WDR7: variants seen among roughly 807,000 people sequenced by gnomAD.
WDR7 encodes WD repeat domain 7.
In WDR7, 46 loss-of-function variants were observed where a neutral mutation model predicts 169.4. That is an observed-to-expected ratio of 0.27 (90% CI 0.21 to 0.35). The LOEUF (loss-of-function observed/expected upper bound fraction) is 0.35, where lower values mean the gene tolerates loss of function less well. Among genes scored for constraint, WDR7 ranks in the 10% least tolerant of loss-of-function variants. The pLI, the probability that WDR7 is intolerant of heterozygous loss-of-function variation, is 1.00. For missense variants in WDR7, 1,534 were observed against 1,859.3 expected (o/e 0.83, Z 3.22); for synonymous variants, 612 against 666.8 (o/e 0.92, Z 1.27).
chr18:56,692,106 T>G (rs2025583548), intron 9 of WDR7, among the ~76,000 whole-genome samples: 1 of 152,236 alleles, frequency 6.6e-6, no homozygotes, highest in Non-Finnish European at 1.5e-5. Flanking sequence ...TGGTGTAAAT[T>G]ATTTTACATA....
chr18:56,696,194 T>A, intron 11 of WDR7, 48 bp from the exon 12 acceptor site: 1 of 1,487,716 alleles, frequency 6.7e-7, no homozygotes, highest in Non-Finnish European at 9.2e-7. Flanking sequence ...TACTGAAACT[T>A]GGTAAACCTT....
At chr18:56,686,210 T>G (rs2025440977) in intron 6 of WDR7, among the ~76,000 whole-genome samples, 178 bp downstream of exon 6, 1 of 152,148 alleles carries the variant, frequency 6.6e-6, no homozygotes, top group Non-Finnish European at 1.5e-5. Context: ...AGTGAATTTT[T>G]TATTTACTTT....
chr18:56,758,119 A>G (rs2043926135), intron 15 of WDR7, among the ~76,000 whole-genome samples: 1 of 152,218 alleles, frequency 6.6e-6, no homozygotes, highest in African/African-American at 2.4e-5. Context: ...AAAATGCAGG[A>G]GAATACTATT....
downstream of WDR7, chr18:57,031,746 G>T (rs1048356725): frequency 6.6e-6 from 1 of 152,220 alleles, no homozygotes; most frequent in South Asian, 2.1e-4. Context: ...CCCAGAGAAG[G>T]CCAGGAGTCT....
At chr18:56,836,208 G>A (rs991382267) in intron 20 of WDR7, among the ~76,000 whole-genome samples, 1 of 152,122 alleles carries the variant, frequency 6.6e-6, no homozygotes, top group African/African-American at 2.4e-5. Context: ...AAGTAAATGT[G>A]GCAGGTGCAG....
intron 19 of WDR7, among the ~76,000 whole-genome samples, chr18:56,814,633 A>G (rs1307165669): frequency 1.3e-5 from 2 of 152,134 alleles, no homozygotes; most frequent in African/African-American, 4.8e-5. Context: ...ACCGGGGTGT[A>G]CTTGAGGGTG....
At chr18:56,746,516 A>T (rs545128702) in intron 14 of WDR7, among the ~76,000 whole-genome samples, 3 of 152,110 alleles carry the variant, frequency 2.0e-5, no homozygotes, top group Non-Finnish European at 4.4e-5. Flanking sequence ...AGTACTTGCT[A>T]TATGCTTGTG....
intron 20 of WDR7, among the ~76,000 whole-genome samples, chr18:56,840,449 A>T (rs2045465777): frequency 6.6e-6 from 1 of 152,192 alleles, no homozygotes; most frequent in South Asian, 2.1e-4. Flanking sequence ...AAAAAGTTTT[A>T]AAATAATATC....
In WDR7 at chr18:57,024,864, A is replaced by G. The variant is rs553906814; in HGVS notation, c.4270-2140A>G. On this transcript the variant is annotated intron_variant, in intron 27 of 27. Coordinates refer to ENST00000254442, the MANE Select transcript of WDR7 (RefSeq NM_015285.3). ...AGTTATGTCCCTTACAGGATTTCACATATCCCTATTCTCAGGCAGGAATAG... is the reference window on the plus strand; with the variant it reads ...AGTTATGTCCCTTACAGGATTTCACGTATCCCTATTCTCAGGCAGGAATAG... Among the ~76,000 whole-genome samples the G allele has an allele frequency of 2.8e-4, 28 of 98,550 alleles. 3 individuals are homozygous for G. Among genetic ancestry groups the G allele is most frequent in the African/African-American group, 1.4e-3 (28 of 19,870 alleles). 64.7% of individuals were successfully genotyped at this position (98,550 alleles called of 152,430 possible). A position where few individuals can be genotyped will look rare whatever the true frequency, so the allele number is the denominator to read the frequency against.
At position 56,899,868 on chromosome 18, in the gene WDR7, A is replaced by G. The variant is rs142064471; in HGVS notation, c.3526+19703A>G. Among the ~76,000 whole-genome samples, 14 of 152,160 alleles carry G rather than the reference A, an allele frequency of 9.2e-5. No homozygotes were observed. The East Asian group carries it at 2.7e-3, about 29-fold the overall frequency. ...ATTTCCATTGACAAAGTGCTGACAC[A>G]TTGATAAACAAGTAACTTTAGAAAT... On this transcript the variant is annotated intron_variant, in intron 21 of 27. Transcript: ENST00000254442.
intron 21 of WDR7, among the ~76,000 whole-genome samples, chr18:56,885,784 G>A (rs1181035277): frequency 2.0e-5 from 3 of 148,656 alleles, no homozygotes; most frequent in Admixed American, 6.7e-5. Context: ...CCGAGATCAC[G>A]CCACTGCACT....
At chr18:56,683,484 C>T (rs1278249218) in intron 5 of WDR7, among the ~76,000 whole-genome samples, 1 of 152,104 alleles carries the variant, frequency 6.6e-6, no homozygotes, top group African/African-American at 2.4e-5. Flanking sequence ...TTTCAAATGG[C>T]TTCATAGTTA....
In WDR7 at chr18:56,935,589, C is replaced by T. The variant is rs565516640; in HGVS notation, c.3714-199C>T. ...ATGCACATACTGTTTTCAATCTTCA[C>T]GGTTAATTATTCCATTTTGTATTTG... On this transcript the variant is annotated intron_variant, in intron 22 of 27. Coordinates refer to ENST00000254442, the MANE Select transcript of WDR7 (RefSeq NM_015285.3). Among the ~76,000 whole-genome samples the T allele has an allele frequency of 3.9e-5, 6 of 152,266 alleles. No individual in the cohort carries two copies. The South Asian group carries it at 8.3e-4, about 21-fold the overall frequency.
intron 12 of WDR7, among the ~76,000 whole-genome samples, chr18:56,702,925 A>G (rs563379061): frequency 3.9e-5 from 6 of 152,332 alleles, no homozygotes; most frequent in African/African-American, 1.2e-4. Context: ...TGTTAGAATT[A>G]TTCAGAACAG....
intron 19 of WDR7, among the ~76,000 whole-genome samples, chr18:56,815,616 C>CT (rs1468651592): frequency 1.3e-5 from 2 of 152,216 alleles, no homozygotes; most frequent in Non-Finnish European, 2.9e-5. Context: ...CTGTCTTCAT[C>CT]TTTCCTCCCA....
intron 20 of WDR7, among the ~76,000 whole-genome samples, chr18:56,849,344 A>G (rs960936411): frequency 6.6e-6 from 1 of 152,098 alleles, no homozygotes; most frequent in Non-Finnish European, 1.5e-5. Flanking sequence ...GTTCTTTTGC[A>G]TTCCTTATTC....
chr18:57,025,300 C>T (rs549922728), intron 27 of WDR7, among the ~76,000 whole-genome samples: 35 of 152,316 alleles, frequency 2.3e-4, no homozygotes, highest in African/African-American at 6.0e-4. Flanking sequence ...AAACACACTA[C>T]GCCTGTTGAT....
chr18:57,022,249 T>G (rs1825066705), intron 27 of WDR7, among the ~76,000 whole-genome samples: 1 of 152,226 alleles, frequency 6.6e-6, no homozygotes, highest in South Asian at 2.1e-4. Context: ...CCGCCGCCAC[T>G]CGTGTCTAAC....
rs913564489 is a variant in WDR7 at position 56,783,034 on chromosome 18, C to T, written c.3190+1378C>T. On this transcript the variant is annotated intron_variant, in intron 19 of 27. Coordinates refer to ENST00000254442, the MANE Select transcript of WDR7 (RefSeq NM_015285.3). ...TGCAAATATTTATTTCACTTATAGC[C>T]GAAGTATCACACATTAACAGCTCCA... Among the ~76,000 whole-genome samples the T allele has an allele frequency of 4.6e-5, 7 of 151,636 alleles. No homozygotes were observed. The South Asian group carries it at 6.2e-4, about 13-fold the overall frequency.
Sources: gnomAD v4.1 joint callset for allele counts (sites outside exome capture counted in the v4.1 genomes callset) on GRCh38, gnomAD v4.1.1 for gene constraint, MANE v1.5 for transcripts, NCBI Gene and HGNC (gene_info 2026-07-23, HGNC 2026-07-21) for gene names.